The following DISC1 variants were observed in gnomAD, a reference collection of about 807,000 sequenced individuals.
The protein encoded by DISC1 is disrupted in schizophrenia 1 protein.
Under a neutral mutation model 84.5 loss-of-function variants are expected in DISC1, and 57 were observed. The ratio of observed to expected loss-of-function variants is 0.67; its 90% confidence interval spans 0.55 to 0.84. The LOEUF is 0.84. Among genes scored for constraint, DISC1 ranks in the 40% least tolerant of loss-of-function variants. The probability of loss-of-function intolerance (pLI) is 0.00; values close to 1 mark genes in which losing one functional copy is unlikely to be tolerated. For synonymous variants in DISC1, 411 were observed against 415.2 expected (o/e 0.99, Z 0.12); for missense variants, 1,000 against 1,057.8 (o/e 0.95, Z 0.76).
At chr1:231,859,094 T>C (rs1308942214) in intron 9 of DISC1, among the ~76,000 whole-genome samples, 1 of 152,202 alleles carries the variant, frequency 6.6e-6, no homozygotes, top group Admixed American at 6.6e-5. Context: ...AGCATACTTC[T>C]GGTTCTGAGA....
intron 8 of DISC1, among the ~76,000 whole-genome samples, chr1:231,811,568 G>C (rs892483101): frequency 1.3e-5 from 2 of 152,208 alleles, no homozygotes; most frequent in African/African-American, 2.4e-5. Flanking sequence ...GTGGATAGGT[G>C]AAAGTAGATA....
Position 231,772,582 on chromosome 1 carries a change from G to A in DISC1, c.1634+1512G>A, listed in dbSNP as rs577109090. Among the ~76,000 whole-genome samples the A allele has an allele frequency of 2.0e-5, 3 of 152,284 alleles. No homozygotes were observed. The East Asian group carries it at 5.8e-4, about 29-fold the overall frequency. On this transcript the variant is annotated intron_variant, in intron 6 of 12. Coordinates refer to ENST00000439617, the MANE Select transcript of DISC1 (RefSeq NM_018662.3). Reference sequence around the variant, plus strand: ...TTGATAATAATTTCTACCTTATAGAGCTATCACATGGATGAACCGAGGTAG... The same window carrying A: ...TTGATAATAATTTCTACCTTATAGAACTATCACATGGATGAACCGAGGTAG...
intron 9 of DISC1, among the ~76,000 whole-genome samples, chr1:231,844,503 A>C (rs190894702): frequency 1.3e-5 from 2 of 152,222 alleles, no homozygotes; most frequent in East Asian, 3.9e-4. Flanking sequence ...TTGGTTTTAT[A>C]CATTTTAGGG....
chr1:231,761,446 T>G lies in DISC1; in HGVS notation c.1269-5694T>G, dbSNP rs74144127. Among the ~76,000 whole-genome samples the G allele has an allele frequency of 3.5e-3, 530 of 152,334 alleles. 5 individuals are homozygous for G. Among genetic ancestry groups the G allele is most frequent in the African/African-American group, 0.012 (502 of 41,574 alleles). On this transcript the variant is annotated intron_variant, in intron 4 of 12. Transcript: ENST00000439617. ...CCCTTGCTTCATTACTGAGCTACAG[T>G]GTGTCCTGGGGCCATCACTCAGCCA...
At chr1:231,922,652 A>C (rs1046334277) in intron 9 of DISC1, among the ~76,000 whole-genome samples, 4 of 151,930 alleles carry the variant, frequency 2.6e-5, no homozygotes, top group African/African-American at 9.7e-5. Context: ...CTGAGGCAGG[A>C]GAGTGACCCC....
intron 3 of DISC1, among the ~76,000 whole-genome samples, chr1:231,703,179 C>T (rs1012733307): frequency 7.9e-5 from 12 of 152,140 alleles, no homozygotes; most frequent in Admixed American, 4.6e-4. Flanking sequence ...TAGAAAGTCA[C>T]GGGGCATGGG....
chr1:231,681,701 ATT>A (rs915490019), intron 1 of DISC1, among the ~76,000 whole-genome samples: 2 of 146,456 alleles, frequency 1.4e-5, no homozygotes, highest in African/African-American at 2.5e-5. Context: ...ATAGACATTT[ATT>A]TTTTTTTTTT....
intron 1 of DISC1, among the ~76,000 whole-genome samples, chr1:231,683,434 T>G (rs569222614): frequency 7.9e-5 from 12 of 151,466 alleles, no homozygotes; most frequent in African/African-American, 2.9e-4. Flanking sequence ...GATTTTTTTT[T>G]TTTTTTTTTG....
chr1:231,721,892 G>A (rs183898240), intron 3 of DISC1, among the ~76,000 whole-genome samples: 13 of 152,108 alleles, frequency 8.5e-5, no homozygotes, highest in African/African-American at 2.7e-4. Flanking sequence ...GGTGGCTCAC[G>A]CCTGGAATCC....
At chr1:231,715,801 T>G (rs1038033285) in intron 3 of DISC1, among the ~76,000 whole-genome samples, 4 of 152,188 alleles carry the variant, frequency 2.6e-5, no homozygotes, top group Admixed American at 6.5e-5. Context: ...TAGTTTTAAA[T>G]TTTAGTATAT....
At chr1:231,975,615 AAAATGCATAAAATAC>A (rs1178067414) in intron 10 of DISC1, among the ~76,000 whole-genome samples, 1 of 152,246 alleles carries the variant, frequency 6.6e-6, no homozygotes, top group Admixed American at 6.5e-5. Context: ...TGAAATACAT[AAAATGCATAAAATAC>A]AAATGCATAA....
chr1:231,800,891 G>A lies in DISC1; in HGVS notation c.1792+681G>A, dbSNP rs1013719079. Among the ~76,000 whole-genome samples, 4 of 151,462 alleles carry A rather than the reference G, an allele frequency of 2.6e-5. No individual in the cohort carries two copies. The East Asian group carries it at 7.8e-4, about 29-fold the overall frequency. ...AATTAGCTAAGCAGTGGCAGATCTG[G>A]GGCTAAAGTCCAGGCCCTCTCTCGG... On this transcript the variant is annotated intron_variant, in intron 8 of 12. Transcript: ENST00000439617.
intron 9 of DISC1, among the ~76,000 whole-genome samples, chr1:231,896,134 A>G (rs2087671189): frequency 6.6e-6 from 1 of 152,094 alleles, no homozygotes; most frequent in South Asian, 2.1e-4. Context: ...ATGGCTGTTC[A>G]TAGCCGACTG....
At chr1:231,902,806 C>A (rs1172075852) in intron 9 of DISC1, among the ~76,000 whole-genome samples, 1 of 152,172 alleles carries the variant, frequency 6.6e-6, no homozygotes, top group Non-Finnish European at 1.5e-5. Context: ...TCTCTGCGAT[C>A]TGAAATGCTC....
At chr1:231,896,173 G>A (rs1271398232) in intron 9 of DISC1, among the ~76,000 whole-genome samples, 4 of 152,142 alleles carry the variant, frequency 2.6e-5, no homozygotes, top group African/African-American at 4.8e-5. Flanking sequence ...TACTGGTGTG[G>A]TGTGATCTGG....
chr1:231,946,513 T>C (rs890298933), intron 9 of DISC1, among the ~76,000 whole-genome samples: 7 of 152,196 alleles, frequency 4.6e-5, no homozygotes, highest in Admixed American at 3.3e-4. Flanking sequence ...TTATACTGAA[T>C]GGGCAAAAAC....
At chr1:231,672,828 T>C (rs994544332) in intron 1 of DISC1, among the ~76,000 whole-genome samples, 1 of 152,212 alleles carries the variant, frequency 6.6e-6, no homozygotes, top group African/African-American at 2.4e-5. Flanking sequence ...TTGGGAAAGA[T>C]ACCTGTTGTT....
intron 2 of DISC1, among the ~76,000 whole-genome samples, chr1:231,700,277 C>A (rs1340697117): frequency 6.6e-6 from 1 of 152,188 alleles, no homozygotes; most frequent in African/African-American, 2.4e-5. Context: ...ACAGCAAGAA[C>A]AACCTCTCTT....
intron 3 of DISC1, among the ~76,000 whole-genome samples, chr1:231,728,609 C>T (rs2071070703): frequency 6.6e-6 from 1 of 152,234 alleles, no homozygotes; most frequent in South Asian, 2.1e-4. Context: ...AACTGCTTGA[C>T]ATATGAAACC....
Sources: allele counts gnomAD v4.1 joint callset (sites outside exome capture counted in the v4.1 genomes callset), GRCh38; gene constraint gnomAD v4.1.1; transcripts MANE v1.5; gene names NCBI Gene and HGNC (gene_info 2026-07-23, HGNC 2026-07-21).